Variants in IL11RA observed in about 807,000 individuals in gnomAD.
The protein encoded by IL11RA is interleukin 11 receptor subunit alpha.
In IL11RA, 51 loss-of-function variants were observed where a neutral mutation model predicts 57.0. That is an observed-to-expected ratio of 0.89 (90% CI 0.71 to 1.13). The LOEUF (loss-of-function observed/expected upper bound fraction) is 1.13, where lower values mean the gene tolerates loss of function less well. Among genes scored for constraint, IL11RA ranks in the 50% most tolerant of loss-of-function variants. IL11RA has a pLI of 0.00. For synonymous variants in IL11RA, 199 were observed against 217.5 expected (o/e 0.91, Z 0.75); for missense variants, 498 against 539.4 (o/e 0.92, Z 0.76).
At chr9:34,656,650 G>A in intron 3 of IL11RA, 89 bp from the exon 4 acceptor site, 2 of 1,448,902 alleles carry the variant, frequency 1.4e-6, no homozygotes, top group Non-Finnish European at 1.9e-6. Context: ...TATTGCAAAT[G>A]CAGTTAGAAG....
intron 1 of IL11RA, 72 bp downstream of exon 1, chr9:34,652,305 CG>C (rs1182789884): frequency 1.3e-5 from 2 of 153,260 alleles, no homozygotes; most frequent in African/African-American, 4.8e-5. Flanking sequence ...TCTGAAAGGC[CG>C]GGAGTGACTA....
intron 1 of IL11RA, among the ~76,000 whole-genome samples, chr9:34,654,293 C>T (rs1006600310): frequency 6.6e-6 from 1 of 152,074 alleles, no homozygotes; most frequent in Non-Finnish European, 1.5e-5. Flanking sequence ...TTTGAGTTTC[C>T]GCTGACCCCA....
In IL11RA at chr9:34,656,770, C is replaced by CCAAA; in HGVS notation, c.194_197dup (p.Lys66AsnfsTer8). On this transcript the variant is annotated frameshift_variant, in exon 4 of 13. Coordinates refer to ENST00000441545, the MANE Select transcript of IL11RA (RefSeq NM_001142784.3). LOFTEE classifies it high-confidence loss of function. ...AGTGTCCTGGTTTCGGGATGGGGAG[C>CCAAA]CAAAGCTGCTCCAGGGACCTGACTC... The CCAAA allele has an allele frequency of 6.2e-7, 1 of 1,614,166 alleles. No homozygotes were observed. The highest frequency in any genetic ancestry group is 8.5e-7 in the Non-Finnish European group (1 of 1,180,018).
chr9:34,656,141 C>T (rs181881585), intron 3 of IL11RA, among the ~76,000 whole-genome samples: 2 of 151,302 alleles, frequency 1.3e-5, no homozygotes, highest in Admixed American at 6.6e-5. Flanking sequence ...AAGCAATTCT[C>T]CTGCCTCAGC....
In IL11RA at chr9:34,658,724, T is replaced by C. The variant is rs1343794791; in HGVS notation, c.810+41T>C. 6.3e-7 allele frequency: 1 copy of C among 1,596,004 alleles called. No individual in the cohort carries two copies. The highest frequency in any genetic ancestry group is 1.3e-5 in the African/African-American group (1 of 74,750). Reference sequence around the variant, plus strand: ...CGTCCCAACCCACGGCTGTGGGTCCTGTCTCTGATTTCACGATCCTGGGTG... The same window carrying C: ...CGTCCCAACCCACGGCTGTGGGTCCCGTCTCTGATTTCACGATCCTGGGTG... On this transcript the variant is annotated intron_variant, in intron 8 of 12. Coordinates refer to ENST00000441545, the MANE Select transcript of IL11RA (RefSeq NM_001142784.3). This position sits in a 1 kb window ranked among gnomAD's most constrained non-coding sequence, Gnocchi z 4.0.
At chr9:34,655,837 T>G in intron 3 of IL11RA, 172 bp downstream of exon 3, 1 of 694,614 alleles carries the variant, frequency 1.4e-6, no homozygotes, top group South Asian at 1.5e-5. Flanking sequence ...CTGGTATGTT[T>G]TGAGCATCTG....
At position 34,660,424 on chromosome 9, in the gene IL11RA, A is replaced by C. The variant is rs754534089; in HGVS notation, c.1072+31A>C. 60 of 1,613,806 alleles carry C rather than the reference A, an allele frequency of 3.7e-5. No individual in the cohort carries two copies. In the East Asian group the frequency reaches 4.0e-4, roughly 11 times the overall value. On this transcript the variant is annotated intron_variant, in intron 10 of 12. Transcript: ENST00000441545. ...CTTGGGCAGATGGGCAAGACTTGTA[A>C]AGGACTGAAAACCCCAGAGAAAAGG...
At position 34,661,886 on chromosome 9, in the gene IL11RA, G is replaced by T; in HGVS notation, c.*388G>T. On this transcript the variant is annotated 3_prime_UTR_variant, in exon 13 of 13. Coordinates refer to ENST00000441545, the MANE Select transcript of IL11RA (RefSeq NM_001142784.3). ...AATAAAGAGAATAAGGAAGTTCTTG[G>T]AGATTATACTCAGAAATTATTATCC... 6.3e-7 allele frequency: 1 copy of T among 1,591,428 alleles called. No homozygotes were observed. Among genetic ancestry groups the T allele is most frequent in the Non-Finnish European group, 8.6e-7 (1 of 1,162,190 alleles).
At chr9:34,659,714 C>T (rs1821414429) in intron 8 of IL11RA, 45 bp from the exon 9 acceptor site, 1 of 1,613,134 alleles carries the variant, frequency 6.2e-7, no homozygotes, top group Non-Finnish European at 8.5e-7. Context: ...CTGGGAAGGC[C>T]CTGCACTTAC....
chr9:34,656,007 A>C, intron 3 of IL11RA: 1 of 361,724 alleles, frequency 2.8e-6, no homozygotes, highest in Non-Finnish European at 5.3e-6. Context: ...AAAGTGAGGG[A>C]TGTCGAAGAG....
rs1587247868 is a variant in IL11RA, at chr9:34,658,598, A to G, written c.725A>G (p.Tyr242Cys). 3.1e-6 allele frequency: 5 copies of G among 1,613,868 alleles called. No individual in the cohort carries two copies. The highest frequency in any genetic ancestry group is 4.2e-6 in the Non-Finnish European group (5 of 1,180,022). ...CGACGCCTGCGAGCCAGCTGGACAT[A>G]CCCTGCCTCCTGGCCGTGCCAGCCC... ...YPRRLRASWT[Y>C]PASWPCQPHF... Residue 242 changes from tyrosine to cysteine, a missense_variant, in exon 8 of 13, where the codon TAC becomes TGC. Physicochemically the swap from Tyr to Cys is radical, Grantham distance 194 (BLOSUM62 -2). Coordinates refer to ENST00000441545, the MANE Select transcript of IL11RA (RefSeq NM_001142784.3). The surrounding 1 kb of genome is among the most constrained non-coding windows in gnomAD (Gnocchi z 4.0).
chr9:34,656,236 A>G (rs542551170), intron 3 of IL11RA, among the ~76,000 whole-genome samples: 1 of 152,110 alleles, frequency 6.6e-6, no homozygotes, highest in East Asian at 1.9e-4. Flanking sequence ...GGGTTTTACC[A>G]TGTTGGTCAG....
chr9:34,655,195 T>A, intron 1 of IL11RA, 23 bp from the exon 2 acceptor site: 4 of 1,563,760 alleles, frequency 2.6e-6, no homozygotes, highest in Non-Finnish European at 3.5e-6. Context: ...GTCGGGGATT[T>A]TTGACTCTAC....
At chr9:34,661,339 T>G in intron 12 of IL11RA, 143 bp from the exon 13 acceptor site, 2 of 899,322 alleles carry the variant, frequency 2.2e-6, no homozygotes, top group South Asian at 1.3e-5. Context: ...TTCAGTGTGT[T>G]GAAGAGGCTC....
rs778474749 is a variant in IL11RA, at chr9:34,660,574, G to T, written c.1143G>T (p.Val381=). The T allele has an allele frequency of 1.1e-5, 18 of 1,613,970 alleles. No homozygotes were observed. In the Middle Eastern group the frequency reaches 4.9e-4, roughly 44 times the overall value. ...SLGILSFLGL[V]AGALALGLWL... is the part of the protein sequence containing the mutation. ...GAATCCTTTCTTTCCTGGGACTGGT[G>T]GCTGGGGCCCTGGCACTGGGGCTCT... The change falls in exon 11 of 13, where the codon GTG becomes GTT. Residue 381 remains valine, a synonymous_variant. Transcript: ENST00000441545.
In IL11RA at chr9:34,660,350, T is replaced by C; in HGVS notation, c.1029T>C (p.Pro343=). The C allele has an allele frequency of 6.2e-7, 1 of 1,614,228 alleles. No individual in the cohort carries two copies. Among genetic ancestry groups the C allele is most frequent in the African/African-American group, 1.3e-5 (1 of 75,070 alleles). The change falls in exon 10 of 13, where the codon CCT becomes CCC. Residue 343 remains proline (P), a synonymous_variant. Transcript: ENST00000441545. ...AGGTGGAGCCTCAGGTGGACAGCCC[T>C]GCTCCTCCAAGGCCCTCCCTCCAAC... is the stretch of plus-strand genomic sequence containing the variant. The part of the protein sequence containing the change: ...QPEVEPQVDS[P]APPRPSLQPH...
intron 7 of IL11RA, 113 bp downstream of exon 7, chr9:34,657,700 C>T: frequency 7.6e-6 from 8 of 1,054,054 alleles, no homozygotes; most frequent in Non-Finnish European, 1.1e-5. Context: ...CTCCATTTCA[C>T]ACAGAGAAGG....
At chr9:34,656,962 G>T (rs1442272714) in intron 4 of IL11RA, 54 bp downstream of exon 4, 2 of 1,611,388 alleles carry the variant, frequency 1.2e-6, no homozygotes, top group Non-Finnish European at 1.7e-6. Context: ...GGGAGTATGG[G>T]ACCTAAGTAA....
rs4879815 is a variant in IL11RA, at chr9:34,658,012, G to T, written c.646+425G>T. Among the ~76,000 whole-genome samples, 5 of 152,288 alleles carry T rather than the reference G, an allele frequency of 3.3e-5. No individual in the cohort carries two copies. Among genetic ancestry groups the T allele is most frequent in the African/African-American group, 7.2e-5 (3 of 41,562 alleles). On this transcript the variant is annotated intron_variant, in intron 7 of 12. Coordinates refer to ENST00000441545, the MANE Select transcript of IL11RA (RefSeq NM_001142784.3). This position sits in a 1 kb window ranked among gnomAD's most constrained non-coding sequence, Gnocchi z 4.0. Reference sequence around the variant, plus strand: ...GAAGCACTTCAAAAGTCCACCCGCAGATCTCAGGTGGTTTCTTTTTTTCTT... The same window carrying T: ...GAAGCACTTCAAAAGTCCACCCGCATATCTCAGGTGGTTTCTTTTTTTCTT...
Sources: gnomAD v4.1 joint callset for allele counts (sites outside exome capture counted in the v4.1 genomes callset) on GRCh38, gnomAD v4.1.1 for gene constraint, Gnocchi (gnomAD v3.1) non-coding constraint, MANE v1.5 for transcripts, NCBI Gene and HGNC (gene_info 2026-07-23, HGNC 2026-07-21) for gene names.